UBP1: variants seen among roughly 807,000 people sequenced by gnomAD.
UBP1 encodes upstream-binding protein 1.
A neutral mutation model predicts 76.1 loss-of-function variants in UBP1; 22 were observed. The ratio of observed to expected loss-of-function variants is 0.29; its 90% CI spans 0.21 to 0.41. The LOEUF is 0.41. Ranked by LOEUF, UBP1 falls within the 10% of genes least tolerant of loss-of-function variation. UBP1 has a pLI of 1.00. For synonymous variants in UBP1, 224 were observed against 237.1 expected (o/e 0.94, Z 0.51); for missense variants, 436 against 668.1 (o/e 0.65, Z 3.83).
Position 33,390,154 on chromosome 3 carries a change from G to A in UBP1, c.*177C>T, listed in dbSNP as rs2154053903. 3.2e-6 allele frequency: 2 copies of A among 632,178 alleles called. No homozygotes were observed. The highest frequency in any genetic ancestry group is 5.5e-6 in the Non-Finnish European group (2 of 362,250). 39.2% of individuals were successfully genotyped at this position (632,178 alleles called of 1,614,324 possible). A position where few individuals can be genotyped will look rare whatever the true frequency, so the allele number is the denominator to read the frequency against. ...CACTCTCATGAGGATGCTTGGCTAT[G>A]GCAGTGACAGTGAGGAGATTCACCT... On this transcript the variant is annotated 3_prime_UTR_variant, in exon 16 of 16. Transcript: ENST00000283629.
chr3:33,435,730 C>T (rs773631319), intron 1 of UBP1, among the ~76,000 whole-genome samples: 13 of 152,294 alleles, frequency 8.5e-5, no homozygotes, highest in South Asian at 2.1e-4. Flanking sequence ...AGCCTACAGT[C>T]GGGGAAAACC....
intron 9 of UBP1, 41 bp from the exon 10 acceptor site, chr3:33,401,057 A>C: frequency 6.4e-7 from 1 of 1,550,910 alleles, no homozygotes. Flanking sequence ...GATTTTTATA[A>C]TACATATATG....
rs1553679178 is a variant in UBP1, at chr3:33,425,872, T to TTTAA, written c.114-132_114-131insTTAA. 331 of 747,976 alleles carry TTTAA rather than the reference T, an allele frequency of 4.4e-4. 1 individual carries two copies. Among genetic ancestry groups the TTTAA allele is most frequent in the Admixed American group, 1.4e-3 (40 of 28,710 alleles). 46.3% of individuals were successfully genotyped at this position (747,976 alleles called of 1,614,324 possible). A position where few individuals can be genotyped will look rare whatever the true frequency, so the allele number is the denominator to read the frequency against. On this transcript the variant is annotated intron_variant, in intron 1 of 15. Coordinates refer to ENST00000283629, the MANE Select transcript of UBP1 (RefSeq NM_014517.5). ...TATAAACATTTAGGGATAGTTTTTT[T>TTTAA]TTTAAGATCAGAAATTATATGTAGA...
chr3:33,437,915 G>A (rs941522040), intron 1 of UBP1, among the ~76,000 whole-genome samples: 15 of 150,332 alleles, frequency 1.0e-4, no homozygotes, highest in Non-Finnish European at 2.2e-4. Context: ...TCATCTCTTA[G>A]TTTTTGAGGA....
chr3:33,412,756 C>T lies in UBP1; in HGVS notation c.414G>A (p.Lys138=), dbSNP rs961070245. 4 of 1,613,918 alleles carry T rather than the reference C, an allele frequency of 2.5e-6. No individual in the cohort carries two copies. In the African/African-American group the frequency reaches 5.3e-5, roughly 22 times the overall value. The part of the protein sequence containing the change: ...YTEHQQLEGW[K]WNRPGDRLLD... ...GAAGTCTGTCTCCTGGGCGATTCCA[C>T]TTCCATCCTTCAAGTTGCTGATGCT... Residue 138 remains lysine (K), a synonymous_variant, in exon 4 of 16, where the codon AAG becomes AAA. Transcript: ENST00000283629.
intron 11 of UBP1, among the ~76,000 whole-genome samples, chr3:33,399,154 A>C (rs1472528421): frequency 1.3e-5 from 2 of 152,262 alleles, no homozygotes; most frequent in African/African-American, 2.4e-5. Flanking sequence ...ACTGCACTGC[A>C]GGTGAAGGAA....
At chr3:33,428,993 C>T (rs559304940) in intron 1 of UBP1, among the ~76,000 whole-genome samples, 3 of 152,102 alleles carry the variant, frequency 2.0e-5, no homozygotes, top group Non-Finnish European at 4.4e-5. Context: ...CCCACCCACA[C>T]TCCCAATTTC....
At chr3:33,432,250 G>A (rs1346479237) in intron 1 of UBP1, among the ~76,000 whole-genome samples, 1 of 152,112 alleles carries the variant, frequency 6.6e-6, no homozygotes, top group African/African-American at 2.4e-5. Context: ...CCTGAGCCTA[G>A]GAAGTCGAGG....
chr3:33,417,150 C>T (rs977642519), intron 2 of UBP1, among the ~76,000 whole-genome samples: 1 of 152,080 alleles, frequency 6.6e-6, no homozygotes, highest in South Asian at 2.1e-4. Flanking sequence ...GTTTACATAC[C>T]ATAAAATTCA....
intron 8 of UBP1, among the ~76,000 whole-genome samples, chr3:33,404,683 A>G (rs1399001114): frequency 2.0e-5 from 3 of 152,122 alleles, no homozygotes; most frequent in Admixed American, 2.0e-4. Flanking sequence ...AACTCTAATG[A>G]CTAAGTTTTT....
intron 2 of UBP1, among the ~76,000 whole-genome samples, chr3:33,423,049 T>G (rs58837601): frequency 0.013 from 1,613 of 121,712 alleles, 25 homozygotes; most frequent in African/African-American, 0.049. Flanking sequence ...AAGTTTGTTT[T>G]TTTTTTTTTT....
intron 8 of UBP1, among the ~76,000 whole-genome samples, chr3:33,404,140 C>T (rs1015371613): frequency 5.3e-5 from 8 of 152,194 alleles, no homozygotes; most frequent in African/African-American, 9.6e-5. Flanking sequence ...AGGCCGGGCG[C>T]GGTGGCTCAC....
At chr3:33,394,416 T>C (rs2043887423) in intron 13 of UBP1, among the ~76,000 whole-genome samples, 1 of 152,086 alleles carries the variant, frequency 6.6e-6, no homozygotes. Context: ...GCTATCTGTA[T>C]ATGCCCCTCC....
At chr3:33,425,859 G>A (rs1410774260) in intron 1 of UBP1, 118 bp from the exon 2 acceptor site, 2 of 902,098 alleles carry the variant, frequency 2.2e-6, no homozygotes, top group Admixed American at 3.8e-5. Flanking sequence ...TAAACATTTA[G>A]GGATAGTTTT....
chr3:33,403,580 G>GTCTATCTATCTATCTATCTATCTATCTA (rs1422365561), intron 8 of UBP1: 5 of 147,050 alleles, frequency 3.4e-5, no homozygotes, highest in Non-Finnish European at 7.4e-5. Context: ...CTGTCTGTCT[G>GTCTATCTATCTATCTATCTATCTATCTA]TCTGTCTATC....
chr3:33,431,743 G>GA (rs200249392), intron 1 of UBP1, among the ~76,000 whole-genome samples: 3,188 of 114,414 alleles, frequency 0.028, 55 homozygotes, highest in Admixed American at 0.067. Context: ...CCGTCTCAAA[G>GA]AAAAAAAAAA....
At chr3:33,396,947 A>G in intron 12 of UBP1, 98 bp downstream of exon 12, 1 of 1,090,980 alleles carries the variant, frequency 9.2e-7, no homozygotes, top group South Asian at 1.3e-5. Context: ...GCACACAGGC[A>G]CACACGCCAA....
At chr3:33,413,391 CA>C (rs1396203596) in intron 3 of UBP1, among the ~76,000 whole-genome samples, 3 of 151,264 alleles carry the variant, frequency 2.0e-5, no homozygotes, top group Non-Finnish European at 2.9e-5. Flanking sequence ...ACAAAAAATA[CA>C]AAAAATTAGC....
In UBP1 at chr3:33,425,605, T is replaced by C; in HGVS notation, c.250A>G (p.Thr84Ala). 6.4e-7 allele frequency: 1 copy of C among 1,555,940 alleles called. No individual in the cohort carries two copies. Among genetic ancestry groups the C allele is most frequent in the Non-Finnish European group, 8.8e-7 (1 of 1,138,034 alleles). ...PAVKLHDETL[T>A]YLNQGQSYEI... ...CCACACTAACCTTGGTTCAAATAAGTAAGCGTTTCATCATGCAGTTTTACT... is the reference window on the plus strand; with the variant it reads ...CCACACTAACCTTGGTTCAAATAAGCAAGCGTTTCATCATGCAGTTTTACT... The change falls in exon 2 of 16, where the codon ACT becomes GCT. Residue 84 changes from threonine to alanine, a missense_variant. Coordinates refer to ENST00000283629, the MANE Select transcript of UBP1 (RefSeq NM_014517.5).
Sources: gnomAD v4.1 joint callset for allele counts (sites outside exome capture counted in the v4.1 genomes callset) on GRCh38, gnomAD v4.1.1 for gene constraint, MANE v1.5 for transcripts, NCBI Gene and HGNC (gene_info 2026-07-23, HGNC 2026-07-21) for gene names.